Variants in ALG6 observed in about 807,000 individuals in gnomAD.
ALG6 encodes ALG6 alpha-1,3-glucosyltransferase.
A neutral mutation model predicts 66.6 loss-of-function variants in ALG6; 46 were observed. That is an observed-to-expected ratio of 0.69 (90% CI 0.55 to 0.88). The LOEUF (loss-of-function observed/expected upper bound fraction) is 0.88, where lower values mean the gene tolerates loss of function less well. ALG6 is among the 40% of genes least tolerant of loss of function. ALG6 has a pLI of 0.00. For missense variants in ALG6, 505 were observed against 586.8 expected (o/e 0.86, Z 1.44); for synonymous variants, 185 against 203.7 (o/e 0.91, Z 0.78).
chr1:63,385,938 A>C (rs1648490843), intron 2 of ALG6, among the ~76,000 whole-genome samples: 1 of 152,172 alleles, frequency 6.6e-6, no homozygotes, highest in South Asian at 2.1e-4. Context: ...TCAGTATGAT[A>C]CTAGCTGTGG....
chr1:63,418,541 G>A (rs1402704903), intron 11 of ALG6, among the ~76,000 whole-genome samples: 1 of 152,066 alleles, frequency 6.6e-6, no homozygotes, highest in Non-Finnish European at 1.5e-5. Context: ...GCAGGAACCA[G>A]ATCTTGTAGG....
chr1:63,371,968 G>A (rs1557577489), intron 2 of ALG6, among the ~76,000 whole-genome samples: 1 of 152,240 alleles, frequency 6.6e-6, no homozygotes. Context: ...GTAGGAGTAT[G>A]TGTGAGGTAC....
At chr1:63,383,597 A>G (rs1047049929) in intron 2 of ALG6, among the ~76,000 whole-genome samples, 2 of 152,142 alleles carry the variant, frequency 1.3e-5, no homozygotes, top group Admixed American at 1.3e-4. Flanking sequence ...AAATGTTTTG[A>G]TACAAGCATA....
intron 2 of ALG6, among the ~76,000 whole-genome samples, chr1:63,373,070 C>T (rs1647987089): frequency 6.6e-6 from 1 of 151,890 alleles, no homozygotes; most frequent in Admixed American, 6.6e-5. Context: ...TGCAGTGGCA[C>T]AATGTTGGCT....
At chr1:63,371,499 C>CTGCAGG (rs1221630800) in intron 2 of ALG6, among the ~76,000 whole-genome samples, 1 of 152,134 alleles carries the variant, frequency 6.6e-6, no homozygotes, top group Non-Finnish European at 1.5e-5. Flanking sequence ...AAATGTAACT[C>CTGCAGG]TGCAGGTACC....
intron 12 of ALG6, chr1:63,428,464 G>T: frequency 3.4e-6 from 1 of 294,722 alleles, no homozygotes; most frequent in Middle Eastern, 1.1e-3. Flanking sequence ...CTACTTGTTT[G>T]TATGATAGAG....
At chr1:63,401,939 G>A (rs1644466985) in intron 3 of ALG6, among the ~76,000 whole-genome samples, 1 of 151,850 alleles carries the variant, frequency 6.6e-6, no homozygotes, top group Non-Finnish European at 1.5e-5. Context: ...AATTCAGAGA[G>A]CCTTGCACGT....
At chr1:63,369,316 A>G (rs917351968) in intron 1 of ALG6, among the ~76,000 whole-genome samples, 1 of 152,178 alleles carries the variant, frequency 6.6e-6, no homozygotes, top group African/African-American at 2.4e-5. Context: ...TTATCCCGTG[A>G]TGTTTTTATT....
At chr1:63,379,150 A>G (rs556726348) in intron 2 of ALG6, among the ~76,000 whole-genome samples, 2 of 152,206 alleles carry the variant, frequency 1.3e-5, no homozygotes, top group East Asian at 1.9e-4. Context: ...GTGATTTTTA[A>G]TAAAATAGTG....
At chr1:63,431,456 GC>G (rs1202627794) in intron 14 of ALG6, among the ~76,000 whole-genome samples, 1 of 151,904 alleles carries the variant, frequency 6.6e-6, no homozygotes, top group Non-Finnish European at 1.5e-5. Context: ...TCACTTTGTT[GC>G]CCAGATTGGA....
Position 63,414,126 on chromosome 1 carries a change from T to G in ALG6, c.882T>G (p.Arg294=). 1 of 1,610,660 alleles carries G rather than the reference T, an allele frequency of 6.2e-7. No homozygotes were observed. Among genetic ancestry groups the G allele is most frequent in the Non-Finnish European group, 8.5e-7 (1 of 1,176,982 alleles). The change falls in exon 10 of 15, where the codon CGT becomes CGG. Residue 294 remains arginine, a synonymous_variant. Transcript: ENST00000263440. ...TGAAGATTAAGGATATTTTGCCACGTCACATCCAATTAATAATGAGGTAAG... is the reference window on the plus strand; with the variant it reads ...TGAAGATTAAGGATATTTTGCCACGGCACATCCAATTAATAATGAGGTAAG... ...VFLKIKDILP[R]HIQLIMSFCS... is the part of the protein sequence containing the mutation.
chr1:63,418,134 CAAAA>C (rs757286574), intron 11 of ALG6, among the ~76,000 whole-genome samples: 1 of 117,378 alleles, frequency 8.5e-6, no homozygotes. Context: ...AACTCCATCT[CAAAA>C]AAAAAAAAAA....
chr1:63,422,110 T>TAA (rs1557594716), intron 12 of ALG6, among the ~76,000 whole-genome samples: 1 of 77,262 alleles, frequency 1.3e-5, no homozygotes, highest in African/African-American at 4.3e-5. Flanking sequence ...TAAATATAAA[T>TAA]ATATATAAAT....
chr1:63,419,958 A>G (rs764539291), intron 12 of ALG6, among the ~76,000 whole-genome samples: 26 of 152,206 alleles, frequency 1.7e-4, no homozygotes, highest in Non-Finnish European at 3.8e-4. Context: ...AGTGGATGAC[A>G]GCTGGGAGTA....
At chr1:63,418,051 T>C (rs1000849850) in intron 11 of ALG6, among the ~76,000 whole-genome samples, 2 of 151,662 alleles carry the variant, frequency 1.3e-5, no homozygotes, top group Non-Finnish European at 2.9e-5. Context: ...GGAGAATCGC[T>C]TGAACCTGGG....
At chr1:63,398,643 T>G (rs1485383561) in intron 3 of ALG6, among the ~76,000 whole-genome samples, 1 of 151,876 alleles carries the variant, frequency 6.6e-6, no homozygotes, top group Non-Finnish European at 1.5e-5. Flanking sequence ...TGGCTAATTT[T>G]TTTTTGTATT....
intron 2 of ALG6, among the ~76,000 whole-genome samples, chr1:63,392,630 A>G (rs1167562327): frequency 6.6e-6 from 1 of 152,240 alleles, no homozygotes; most frequent in African/African-American, 2.4e-5. Flanking sequence ...AATAAAATGA[A>G]CATTTAAGTA....
intron 12 of ALG6, among the ~76,000 whole-genome samples, chr1:63,421,671 C>T (rs1237658313): frequency 6.6e-6 from 1 of 152,138 alleles, no homozygotes; most frequent in Non-Finnish European, 1.5e-5. Flanking sequence ...GGCACATACA[C>T]ACCATGGAAT....
intron 2 of ALG6, among the ~76,000 whole-genome samples, chr1:63,377,856 C>T (rs1489978516): frequency 6.6e-6 from 1 of 152,168 alleles, no homozygotes. Flanking sequence ...GCTCCAGCCT[C>T]CCCAGTAGCT....
Sources: allele counts gnomAD v4.1 joint callset (sites outside exome capture counted in the v4.1 genomes callset), GRCh38; gene constraint gnomAD v4.1.1; transcripts MANE v1.5; gene names NCBI Gene and HGNC (gene_info 2026-07-23, HGNC 2026-07-21).